Variants in SZT2 observed in about 807,000 individuals in gnomAD.
The protein encoded by SZT2 is SZT2 subunit of KICSTOR complex.
SZT2 carries 216 observed loss-of-function variants against 404.2 expected under a neutral mutation model. The observed-to-expected ratio is 0.53, with a 90% CI of 0.48 to 0.60. The LOEUF (loss-of-function observed/expected upper bound fraction) is 0.60. Among genes scored for constraint, SZT2 ranks in the 20% least tolerant of loss-of-function variants. The probability of loss-of-function intolerance (pLI) is 0.00; values close to 1 mark genes in which losing one functional copy is unlikely to be tolerated. For missense variants in SZT2, 3,857 were observed against 4,459.2 expected, an observed-to-expected ratio of 0.86 and a Z score of 3.85; for synonymous variants, 1,693 against 1,749.9, an observed-to-expected ratio of 0.97 and a Z score of 0.81.
rs1460127297 is a variant in SZT2, at chr1:43,432,336, T to G, written c.5339T>G (p.Phe1780Cys). The change falls in exon 37 of 72, where the codon TTT becomes TGT. Residue 1780 changes from phenylalanine (F) to cysteine (C), a missense_variant. This residue lies in a region of SZT2 where 1,725 missense variants were observed against 1,881.0 expected (regional missense o/e 0.92). Transcript: ENST00000634258. ...LLEDPDSGFF[F>C]VAAGQQPGGS... The stretch of plus-strand genomic sequence containing the variant: ...GAAGACCCTGACAGTGGCTTCTTCT[T>G]TGTGGCAGCTGGCCAACAGCCAGGT... 6.2e-7 allele frequency: 1 copy of G among 1,605,902 alleles called. No homozygotes were observed. The highest frequency in any genetic ancestry group is 1.1e-5 in the South Asian group (1 of 89,814).
intron 51 of SZT2, 142 bp downstream of exon 51, chr1:43,440,190 C>G (rs1654917149): frequency 7.8e-7 from 1 of 1,279,006 alleles, no homozygotes; most frequent in Non-Finnish European, 1.1e-6. Context: ...TCACAGTTGT[C>G]CGTGAGCTTG....
chr1:43,415,458 G>A (rs1403504779), intron 5 of SZT2, among the ~76,000 whole-genome samples: 1 of 152,090 alleles, frequency 6.6e-6, no homozygotes, highest in African/African-American at 2.4e-5. Context: ...TTTAGCCCCA[G>A]ATCTCCTCCA....
intron 1 of SZT2, among the ~76,000 whole-genome samples, chr1:43,392,959 G>A (rs1004291): frequency 0.34 from 51,612 of 151,830 alleles, 9,476 homozygotes; most frequent in Middle Eastern, 0.45. Flanking sequence ...ATACAGAGCC[G>A]TGTAAGACAG....
intron 25 of SZT2, 30 bp downstream of exon 25, chr1:43,427,475 G>T: frequency 6.2e-7 from 1 of 1,612,544 alleles, no homozygotes; most frequent in African/African-American, 1.3e-5. Context: ...GTGGGCAGGA[G>T]TGGGAGTGGG....
At chr1:43,428,699 C>G (rs1170961425) in intron 28 of SZT2, 1 of 615,930 alleles carries the variant, frequency 1.6e-6, no homozygotes, top group South Asian at 2.0e-5. Flanking sequence ...CCCATCTCCC[C>G]TGCTTTGGTG....
At chr1:43,421,034 G>A (rs2153932292) in intron 10 of SZT2, 51 bp downstream of exon 10, 1 of 1,594,646 alleles carries the variant, frequency 6.3e-7, no homozygotes, top group East Asian at 2.2e-5. Context: ...TGTATGGAGG[G>A]ACAGATTTGC....
Position 43,440,489 on chromosome 1 carries a change from C to T in SZT2, c.7247C>T (p.Ser2416Phe), listed in dbSNP as rs1371383749. 1 of 1,606,288 alleles carries T rather than the reference C, an allele frequency of 6.2e-7. No individual in the cohort carries two copies. The highest frequency in any genetic ancestry group is 8.5e-7 in the Non-Finnish European group (1 of 1,176,690). ...AACGGATCGTTGGAAACTAAGAGCT[C>T]TGCAGGCCGAGCTAGCACCTTTCCC... Reference protein sequence around the residue: ...LRNGSLETKSSAGRASTFPPA... With the variant: ...LRNGSLETKSFAGRASTFPPA... Residue 2416 changes from serine (S) to phenylalanine (F), a missense_variant, in exon 52 of 72, where the codon TCT becomes TTT. Around this residue, in one of 7 missense-constraint regions of SZT2, gnomAD observed 573 missense variants for 592.4 expected, o/e 0.97. Transcript: ENST00000634258.
chr1:43,416,101 G>T lies in SZT2; in HGVS notation c.772G>T (p.Gly258Trp). Residue 258 changes from glycine (G) to tryptophan (W), a missense_variant and splice_region_variant, in exon 6 of 72, where the codon GGG becomes TGG. Physicochemically the swap from Gly to Trp is radical, Grantham distance 184. Coordinates refer to ENST00000634258, the MANE Select transcript of SZT2 (RefSeq NM_001365999.1). ...LQLLPSNSSA[G>W]IIVITDGVTS... ...GTTACTACCCTCGAACTCTAGTGCA[G>T]GTCAGTAGAAGGAATATTGGTGGGA... The T allele has an allele frequency of 6.3e-7, 1 of 1,598,192 alleles. No individual in the cohort carries two copies. Among genetic ancestry groups the T allele is most frequent in the South Asian group, 1.1e-5 (1 of 91,050 alleles).
chr1:43,445,770 C>A, intron 62 of SZT2, 124 bp from the exon 63 acceptor site: 1 of 935,330 alleles, frequency 1.1e-6, no homozygotes, highest in Non-Finnish European at 1.7e-6. Context: ...CTCACAGTGG[C>A]AGCTTTGTGG....
chr1:43,444,508 G>A (rs1282483226), intron 62 of SZT2, among the ~76,000 whole-genome samples: 2 of 151,318 alleles, frequency 1.3e-5, no homozygotes, highest in Non-Finnish European at 3.0e-5. Flanking sequence ...TCTCGGCCCA[G>A]GGAAGTCCTT....
chr1:43,425,177 T>TC lies in SZT2; in HGVS notation c.2621dup (p.His875ThrfsTer13). The TC allele has an allele frequency of 6.2e-7, 1 of 1,613,928 alleles. No individual in the cohort carries two copies. The highest frequency in any genetic ancestry group is 2.2e-5 in the East Asian group (1 of 44,854). ...ACCTGTGTTGTCCAGTACATCCTCT[T>TC]CCCCCCACACTCTACCTCCACCAAA... On this transcript the variant is annotated frameshift_variant, in exon 18 of 72. Coordinates refer to ENST00000634258, the MANE Select transcript of SZT2 (RefSeq NM_001365999.1). LOFTEE classifies it high-confidence loss of function. The surrounding 1 kb of genome is among the most constrained non-coding windows in gnomAD (Gnocchi z 4.3).
At chr1:43,394,077 T>A (rs1648712276) in intron 1 of SZT2, 7 of 985,260 alleles carry the variant, frequency 7.1e-6, no homozygotes, top group Non-Finnish European at 4.8e-6. Context: ...TCAAGGAGGA[T>A]TCATATGAGG....
Position 43,451,281 on chromosome 1 carries a change from C to CG in SZT2, c.*802dup. On this transcript the variant is annotated 3_prime_UTR_variant, in exon 72 of 72. Transcript: ENST00000634258. Reference sequence around the variant, plus strand: ...GTGGCCCCGCCTATCCCAGTATGAACGTAGCCAACTCAAGCCCTCTACTGT... The same window carrying CG: ...GTGGCCCCGCCTATCCCAGTATGAACGGTAGCCAACTCAAGCCCTCTACTGT... 6.2e-7 allele frequency: 1 copy of CG among 1,614,098 alleles called. No homozygotes were observed. Among genetic ancestry groups the CG allele is most frequent in the Non-Finnish European group, 8.5e-7 (1 of 1,180,034 alleles).
Position 43,443,093 on chromosome 1 carries a change from G to T in SZT2, c.8419+7G>T. Reference sequence around the variant, plus strand: ...AAGATGGCAGAGCGCAGAGGTGAGGGTACTGGGCCAGGCAGCAGGGACAGG... The same window carrying T: ...AAGATGGCAGAGCGCAGAGGTGAGGTTACTGGGCCAGGCAGCAGGGACAGG... On this transcript the variant is annotated splice_region_variant and intron_variant, in intron 59 of 71. Coordinates refer to ENST00000634258, the MANE Select transcript of SZT2 (RefSeq NM_001365999.1). 1.2e-6 allele frequency: 2 copies of T among 1,611,586 alleles called. No individual in the cohort carries two copies. The highest frequency in any genetic ancestry group is 2.2e-5 in the South Asian group (2 of 90,812).
chr1:43,402,757 G>A (rs1349036088), intron 1 of SZT2, among the ~76,000 whole-genome samples: 1 of 152,172 alleles, frequency 6.6e-6, no homozygotes, highest in Non-Finnish European at 1.5e-5. Flanking sequence ...GGTGCCTGCT[G>A]TTGTCAAGAC....
intron 10 of SZT2, 30 bp downstream of exon 10, chr1:43,421,013 G>T: frequency 6.3e-7 from 1 of 1,595,934 alleles, no homozygotes; most frequent in Non-Finnish European, 8.5e-7. Flanking sequence ...AATGAGTGCT[G>T]CCCCATTTGT....
In SZT2 at chr1:43,437,696, C is replaced by G. The variant is rs781172775; in HGVS notation, c.6392C>G (p.Ala2131Gly). 4.3e-6 allele frequency: 7 copies of G among 1,614,116 alleles called. No homozygotes were observed. The highest frequency in any genetic ancestry group is 1.6e-4 in the Middle Eastern group (1 of 6,062). ...CAAGAGCCCATCTACTCTGAGGAAG[C>G]CTCGGCATGTATCACTCCCACTCTC... ...RSQEPIYSEE[A>G]SGPRSPLDMV... The change falls in exon 45 of 72, where the codon GCC becomes GGC. Residue 2131 changes from alanine (A) to glycine (G), a missense_variant. By Grantham distance (60) the Ala-to-Gly change is moderately conservative (BLOSUM62 0). Around this residue, in one of 7 missense-constraint regions of SZT2, gnomAD observed 261 missense variants for 372.9 expected, o/e 0.70. Transcript: ENST00000634258. The surrounding 1 kb of genome is among the most constrained non-coding windows in gnomAD (Gnocchi z 5.3).
chr1:43,424,364 T>C lies in SZT2; in HGVS notation c.2403T>C (p.Ser801=), dbSNP rs775978172. The C allele has an allele frequency of 1.9e-6, 3 of 1,597,988 alleles. No homozygotes were observed. The East Asian group carries it at 6.7e-5, about 36-fold the overall frequency. Residue 801 remains serine (S), a synonymous_variant, in exon 16 of 72, where the codon AGT becomes AGC. Transcript: ENST00000634258. The surrounding 1 kb of genome is among the most constrained non-coding windows in gnomAD (Gnocchi z 4.1). The part of the protein sequence containing the change: ...RYLYHQRWLW[S]VPSGLAPALP... ...TCTACCATCAGCGCTGGCTTTGGAG[T>C]GTCCCGTCAGGACTGGCCCCTGCGC...
intron 4 of SZT2, chr1:43,409,530 C>T: frequency 5.3e-6 from 2 of 379,780 alleles, no homozygotes; most frequent in South Asian, 2.0e-5. Flanking sequence ...CTAATGGCTC[C>T]ACCAAAAAAC....
Sources: gnomAD v4.1 joint callset for allele counts (sites outside exome capture counted in the v4.1 genomes callset) on GRCh38, gnomAD v4.1.1 for gene constraint, gnomAD v4.1.1 regional missense constraint, Gnocchi (gnomAD v3.1) non-coding constraint, MANE v1.5 for transcripts, NCBI Gene and HGNC (gene_info 2026-07-23, HGNC 2026-07-21) for gene names.